DDX60: variants seen among roughly 807,000 people sequenced by gnomAD.
DDX60 encodes DExD/H-box helicase 60, also known as probable ATP-dependent RNA helicase DDX60.
A neutral mutation model predicts 212.8 loss-of-function variants in DDX60; 165 were observed. The ratio of observed to expected loss-of-function variants is 0.78; its 90% CI spans 0.68 to 0.88. The LOEUF (loss-of-function observed/expected upper bound fraction) is 0.88. Ranked by LOEUF, DDX60 falls within the 40% of genes least tolerant of loss-of-function variation. The pLI is 0.00. For synonymous variants in DDX60, 703 were observed against 685.3 expected (o/e 1.03, Z -0.40); for missense variants, 1,905 against 2,003.9 (o/e 0.95, Z 0.94).
chr4:168,222,298 C>T (rs1242615141), intron 35 of DDX60, among the ~76,000 whole-genome samples: 1 of 152,010 alleles, frequency 6.6e-6, no homozygotes, highest in South Asian at 2.1e-4. Flanking sequence ...AACCCAATTA[C>T]CTGAATAAAA....
intron 1 of DDX60, among the ~76,000 whole-genome samples, chr4:168,317,051 C>CT (rs2149560191): frequency 7.4e-6 from 1 of 135,428 alleles, no homozygotes; most frequent in African/African-American, 2.8e-5. Flanking sequence ...GAGCAAGACT[C>CT]CGTCTCAAAA....
chr4:168,238,015 AC>A (rs1452355170), intron 30 of DDX60, among the ~76,000 whole-genome samples: 1 of 152,042 alleles, frequency 6.6e-6, no homozygotes, highest in African/African-American at 2.4e-5. Context: ...GTATTGCCAA[AC>A]AGTCTGATTA....
chr4:168,273,446 G>A (rs574580312), intron 17 of DDX60, 48 bp from the exon 18 acceptor site: 1 of 1,605,350 alleles, frequency 6.2e-7, no homozygotes, highest in East Asian at 2.2e-5. Flanking sequence ...AGAGAGAGGT[G>A]AAATATCAGA....
chr4:168,275,914 A>T (rs997496449), intron 15 of DDX60, 101 bp downstream of exon 15: 6 of 407,058 alleles, frequency 1.5e-5, no homozygotes, highest in African/African-American at 7.0e-5. Context: ...ATTTTCAGTA[A>T]AAAAAAAAAA....
intron 33 of DDX60, among the ~76,000 whole-genome samples, chr4:168,230,338 C>T (rs1331751199): frequency 6.6e-6 from 1 of 152,058 alleles, no homozygotes; most frequent in Admixed American, 6.6e-5. Context: ...AAATAATGGA[C>T]TTAGACTACA....
chr4:168,269,183 T>C (rs1283081519), intron 19 of DDX60, among the ~76,000 whole-genome samples: 1 of 152,204 alleles, frequency 6.6e-6, no homozygotes, highest in Admixed American at 6.5e-5. Flanking sequence ...ACTCAATGCA[T>C]TTCTCTTCAT....
Position 168,265,844 on chromosome 4 carries a change from AGGGAAG to A in DDX60, c.3039+1732_3039+1737del, listed in dbSNP as rs1734821229. On this transcript the variant is annotated intron_variant, in intron 22 of 37. Coordinates refer to ENST00000393743, the MANE Select transcript of DDX60 (RefSeq NM_017631.6). ...AGGAGGGAAGGAGGGAAGGAAGGGAAGGGAAGGGAAGGGAAGGGAAGGGAAGGGAAG... is the reference window on the plus strand; with the variant it reads ...AGGAGGGAAGGAGGGAAGGAAGGGAAGGAAGGGAAGGGAAGGGAAGGGAAG... 4.1e-4 allele frequency among the ~76,000 whole-genome samples: 6 copies of A among 14,694 alleles called. No individual in the cohort carries two copies. The South Asian group carries it at 5.1e-3, about 13-fold the overall frequency. The allele number at this position is 14,694 out of a possible 152,430, so 9.6% of individuals were successfully genotyped here. A position where few individuals can be genotyped will look rare whatever the true frequency, so the allele number is the denominator to read the frequency against.
At chr4:168,311,098 T>C (rs781048868) in intron 2 of DDX60, 31 bp from the exon 3 acceptor site, 36 of 1,460,528 alleles carry the variant, frequency 2.5e-5, no homozygotes, top group Non-Finnish European at 3.2e-5. Flanking sequence ...AGAAAGAGAA[T>C]GGGTTATTTT....
At chr4:168,309,632 G>A (rs1000221881) in intron 3 of DDX60, among the ~76,000 whole-genome samples, 1 of 151,998 alleles carries the variant, frequency 6.6e-6, no homozygotes, top group Admixed American at 6.6e-5. Context: ...AAAGGAAGAC[G>A]AAATATCTAA....
intron 33 of DDX60, among the ~76,000 whole-genome samples, chr4:168,227,334 G>A (rs1285429921): frequency 6.6e-6 from 1 of 151,608 alleles, no homozygotes; most frequent in Non-Finnish European, 1.5e-5. Context: ...TGTCTAAATA[G>A]TCAAATACGT....
chr4:168,296,971 C>G (rs1033205355), intron 6 of DDX60, among the ~76,000 whole-genome samples: 1 of 149,678 alleles, frequency 6.7e-6, no homozygotes, highest in South Asian at 2.1e-4. Flanking sequence ...CTCCTGGGTT[C>G]GGCAATCTCA....
intron 14 of DDX60, among the ~76,000 whole-genome samples, chr4:168,277,822 G>GA (rs530939598): frequency 8.4e-4 from 100 of 118,776 alleles, no homozygotes; most frequent in East Asian, 4.5e-3. Context: ...AAAAAAAAAA[G>GA]AAAAAAAAAA....
chr4:168,234,840 A>C (rs1211494418), intron 33 of DDX60, among the ~76,000 whole-genome samples: 1 of 152,096 alleles, frequency 6.6e-6, no homozygotes, highest in African/African-American at 2.4e-5. Context: ...AGAGAGTGAA[A>C]GTATGATCAC....
intron 7 of DDX60, 143 bp from the exon 8 acceptor site, chr4:168,292,049 C>CTTTT (rs772095573): frequency 2.0e-4 from 60 of 303,540 alleles, no homozygotes; most frequent in Admixed American, 3.4e-4. Context: ...TTCTTTCTTT[C>CTTTT]TTTTTTTTTT....
chr4:168,269,607 A>C (rs1735006215), intron 19 of DDX60, among the ~76,000 whole-genome samples: 2 of 152,302 alleles, frequency 1.3e-5, no homozygotes, highest in East Asian at 3.9e-4. Context: ...TCTCAAAAAA[A>C]AAAAGTTTAA....
intron 6 of DDX60, among the ~76,000 whole-genome samples, chr4:168,300,957 G>A (rs1051724663): frequency 1.3e-5 from 2 of 152,148 alleles, no homozygotes; most frequent in Admixed American, 6.5e-5. Context: ...AACAGGGTGA[G>A]TCAGGGGGAG....
chr4:168,260,151 CATGTGCACA>C (rs1171208371), intron 25 of DDX60, among the ~76,000 whole-genome samples: 1 of 151,936 alleles, frequency 6.6e-6, no homozygotes, highest in Non-Finnish European at 1.5e-5. Context: ...TTCTAGGGTA[CATGTGCACA>C]ATGTGCAGGT....
chr4:168,261,038 GA>G lies in DDX60; in HGVS notation c.3274-50del, dbSNP rs753955630. On this transcript the variant is annotated intron_variant, in intron 24 of 37. Coordinates refer to ENST00000393743, the MANE Select transcript of DDX60 (RefSeq NM_017631.6). ...TTTTAAGTTCTGCATGAGAAAGAAA[GA>G]AATTACTACTTTTTGCTAAAATATT... is the stretch of plus-strand genomic sequence containing the variant. 3.9e-6 allele frequency: 6 copies of G among 1,555,790 alleles called. No individual in the cohort carries two copies. In the Admixed American group the frequency reaches 1.3e-4, roughly 34 times the overall value.
At chr4:168,315,287 C>A (rs151159063) in intron 1 of DDX60, among the ~76,000 whole-genome samples, 10 of 152,220 alleles carry the variant, frequency 6.6e-5, no homozygotes, top group Middle Eastern at 3.4e-3. Flanking sequence ...TAAAATAAAG[C>A]ACTTTCAGAT....
Sources: allele counts gnomAD v4.1 joint callset (sites outside exome capture counted in the v4.1 genomes callset), GRCh38; gene constraint gnomAD v4.1.1; transcripts MANE v1.5; gene names NCBI Gene and HGNC (gene_info 2026-07-23, HGNC 2026-07-21).